Variants in BSDC1 observed in about 807,000 individuals in gnomAD.
BSDC1 encodes BSD domain-containing protein 1.
A neutral mutation model predicts 56.0 loss-of-function variants in BSDC1; 29 were observed. That is an observed-to-expected ratio of 0.52 (90% CI 0.39 to 0.71). The LOEUF (loss-of-function observed/expected upper bound fraction) is 0.71. BSDC1 is among the 30% of genes least tolerant of loss of function. The pLI, the probability that BSDC1 is intolerant of heterozygous loss-of-function variation, is 0.00. For missense variants in BSDC1, 477 were observed against 548.5 expected (o/e 0.87, Z 1.30); for synonymous variants, 210 against 215.3 (o/e 0.98, Z 0.21).
rs186550400 is a variant in BSDC1, at chr1:32,376,370, G to A, written c.1048C>T (p.Pro350Ser). ...CTCAGAGTCTCTACTCTGGCTGGAG[G>A]CCTGGGCTCTGGGCCGCCGGTGTGG... ...AGHTGGPEPR[P>S]PARVETLREE... is the part of the protein sequence containing the mutation. The change falls in exon 9 of 11, where the codon CCT becomes TCT. Residue 350 changes from proline to serine, a missense_variant. Pro to Ser is a moderately conservative substitution (Grantham distance 74). Coordinates refer to ENST00000455895, the MANE Select transcript of BSDC1 (RefSeq NM_018045.8). The A allele has an allele frequency of 1.9e-6, 3 of 1,613,714 alleles. No individual in the cohort carries two copies. The highest frequency in any genetic ancestry group is 4.5e-5 in the East Asian group (2 of 44,878).
In BSDC1 at chr1:32,366,976, C is replaced by T. The variant is rs1359165924; in HGVS notation, c.1261-322G>A. The T allele has an allele frequency of 3.6e-6, 4 of 1,102,104 alleles. No individual in the cohort carries two copies. The African/African-American group carries it at 6.5e-5, about 18-fold the overall frequency. The allele number at this position is 1,102,104 out of a possible 1,614,324, so 68.3% of individuals were successfully genotyped here. On this transcript the variant is annotated intron_variant, in intron 10 of 10. Transcript: ENST00000455895. The stretch of plus-strand genomic sequence containing the variant: ...CAGTCCTTTAAGGAGAACTTGCCTC[C>T]TGCTGAGCAGATAATGCCATGGCTC...
At chr1:32,383,590 CA>C (rs1209678650) in intron 4 of BSDC1, among the ~76,000 whole-genome samples, 27 of 151,950 alleles carry the variant, frequency 1.8e-4, no homozygotes. Context: ...TGTTTATAAA[CA>C]AAAACAAATG....
At position 32,365,225 on chromosome 1, in the gene BSDC1, T is replaced by G. The variant is rs935138030; in HGVS notation, c.*1397A>C. 3.3e-5 allele frequency: 5 copies of G among 152,158 alleles called. No individual in the cohort carries two copies. The highest frequency in any genetic ancestry group is 1.2e-4 in the African/African-American group (5 of 41,428). The allele number at this position is 152,158 out of a possible 1,614,324, so 9.4% of individuals were successfully genotyped here. ...AACAGCTGTTAGAATCTTTTTTTCT[T>G]TTTTTCCTTTTTTCTTTTCCCAGCT... On this transcript the variant is annotated 3_prime_UTR_variant, in exon 11 of 11. Transcript: ENST00000455895.
At position 32,378,184 on chromosome 1, in the gene BSDC1, G is replaced by T. The variant is rs577793168; in HGVS notation, c.597+31C>A. On this transcript the variant is annotated intron_variant, in intron 7 of 10. Coordinates refer to ENST00000455895, the MANE Select transcript of BSDC1 (RefSeq NM_018045.8). This position sits in a 1 kb window ranked among gnomAD's most constrained non-coding sequence, Gnocchi z 5.2. The stretch of plus-strand genomic sequence containing the variant: ...TCCAGCCTGCTTCCCCCAGGGTTGA[G>T]TGGGGACCTCCCCATGCTAGACCAG... The T allele has an allele frequency of 6.2e-7, 1 of 1,610,930 alleles. No individual in the cohort carries two copies. The highest frequency in any genetic ancestry group is 2.2e-5 in the East Asian group (1 of 44,862).
intron 10 of BSDC1, chr1:32,367,511 T>A (rs1641895786): frequency 1.0e-6 from 1 of 985,426 alleles, no homozygotes; most frequent in Non-Finnish European, 1.2e-6. Flanking sequence ...TCTGTCCACC[T>A]CTTTCTAACA....
chr1:32,383,437 G>A (rs1047898857), intron 4 of BSDC1, among the ~76,000 whole-genome samples: 1 of 150,516 alleles, frequency 6.6e-6, no homozygotes, highest in Non-Finnish European at 1.5e-5. Context: ...GGGTGACAGA[G>A]TGAGACCCTG....
chr1:32,369,719 C>T (rs1347592639), intron 9 of BSDC1, among the ~76,000 whole-genome samples: 2 of 152,186 alleles, frequency 1.3e-5, no homozygotes, highest in Non-Finnish European at 2.9e-5. Flanking sequence ...TTGCTCAAAT[C>T]GTACCTTCTA....
chr1:32,384,607 A>T (rs892440319), intron 3 of BSDC1, among the ~76,000 whole-genome samples: 1 of 152,198 alleles, frequency 6.6e-6, no homozygotes, highest in African/African-American at 2.4e-5. Flanking sequence ...TACTTTGTAC[A>T]AAAGGTTGGA....
rs114107628 is a variant in BSDC1, at chr1:32,373,547, G to C, written c.1156+2715C>G. 2.6e-3 allele frequency among the ~76,000 whole-genome samples: 395 copies of C among 151,972 alleles called. 1 individual carries two copies. The highest frequency in any genetic ancestry group is 9.3e-3 in the African/African-American group (385 of 41,446). ...TTCTTTCCTATTTTTTTGAGACAGG[G>C]TCTCAGCTCTGTCACCCAGGCTGGA... is the stretch of plus-strand genomic sequence containing the variant. On this transcript the variant is annotated intron_variant, in intron 9 of 10. Transcript: ENST00000455895.
chr1:32,387,866 A>G (rs1642726976), intron 2 of BSDC1, among the ~76,000 whole-genome samples: 1 of 152,192 alleles, frequency 6.6e-6, no homozygotes, highest in Non-Finnish European at 1.5e-5. Context: ...ACATTCAACA[A>G]AGGAGGAAGC....
intron 9 of BSDC1, among the ~76,000 whole-genome samples, chr1:32,371,326 T>TTA (rs1491354685): frequency 7.8e-4 from 116 of 147,816 alleles, no homozygotes; most frequent in African/African-American, 2.8e-3. Flanking sequence ...TTTTTTTTTT[T>TTA]ATTTGAGATG....
At chr1:32,389,784 C>CCACACA (rs58560406) in intron 2 of BSDC1, among the ~76,000 whole-genome samples, 14 of 146,086 alleles carry the variant, frequency 9.6e-5, no homozygotes, top group South Asian at 2.2e-4. Flanking sequence ...AAAACCGTCT[C>CCACACA]CACACACACA....
chr1:32,372,879 A>C (rs1037166497), intron 9 of BSDC1, among the ~76,000 whole-genome samples: 1 of 151,912 alleles, frequency 6.6e-6, no homozygotes, highest in Non-Finnish European at 1.5e-5. Context: ...TGAGGTCTTA[A>C]CCTCCAGGCT....
chr1:32,381,323 G>A, intron 4 of BSDC1, 55 bp from the exon 5 acceptor site: 4 of 1,546,258 alleles, frequency 2.6e-6, no homozygotes, highest in Non-Finnish European at 3.6e-6. Flanking sequence ...GGCATAGAAA[G>A]CACCCTTTCT....
At chr1:32,393,791 AG>A in intron 2 of BSDC1, 1 of 446,100 alleles carries the variant, frequency 2.2e-6, no homozygotes, top group Non-Finnish European at 4.0e-6. Flanking sequence ...TCTTTCACGA[AG>A]AAACTGAATT....
chr1:32,390,897 T>A (rs1466472055), intron 2 of BSDC1, among the ~76,000 whole-genome samples: 1 of 152,004 alleles, frequency 6.6e-6, no homozygotes, highest in South Asian at 2.1e-4. Context: ...GGTGACAAAG[T>A]GAGAGCCCAT....
intron 5 of BSDC1, 25 bp downstream of exon 5, chr1:32,381,189 C>T: frequency 6.2e-7 from 1 of 1,613,246 alleles, no homozygotes; most frequent in Non-Finnish European, 8.5e-7. Context: ...CCTACAAGCC[C>T]ACCCGCTCAG....
chr1:32,385,499 G>C (rs947858078), intron 3 of BSDC1, among the ~76,000 whole-genome samples: 2 of 152,182 alleles, frequency 1.3e-5, no homozygotes, highest in African/African-American at 4.8e-5. Flanking sequence ...GGCCGAAGCA[G>C]GTGGATCCCT....
Position 32,376,738 on chromosome 1 carries a change from T to C in BSDC1, c.680A>G (p.Glu227Gly). The C allele has an allele frequency of 7.2e-7, 1 of 1,387,174 alleles. No homozygotes were observed. The highest frequency in any genetic ancestry group is 9.4e-7 in the Non-Finnish European group (1 of 1,059,352). 85.9% of individuals were successfully genotyped at this position (1,387,174 alleles called of 1,614,324 possible). ...AGATATGGGTGAAATGCCCATGAGC[T>C]CCTCTGTAGAGAGAGAAAGGGAGGG... ...EEPGWEEEEE[E>G]LMGISPISPK... The change falls in exon 9 of 11, where the codon GAG becomes GGG. Residue 227 changes from glutamate to glycine, a missense_variant. Transcript: ENST00000455895.
Sources: gnomAD v4.1 joint callset for allele counts (sites outside exome capture counted in the v4.1 genomes callset) on GRCh38, gnomAD v4.1.1 for gene constraint, Gnocchi (gnomAD v3.1) non-coding constraint, MANE v1.5 for transcripts, NCBI Gene and HGNC (gene_info 2026-07-23, HGNC 2026-07-21) for gene names.